SLC25A48: variants seen among roughly 807,000 people sequenced by gnomAD.
SLC25A48 encodes CTC-321K16.1.
SLC25A48 carries 29 observed loss-of-function variants against 32.2 expected under a neutral mutation model. The observed-to-expected ratio is 0.90, with a 90% CI of 0.67 to 1.23. The LOEUF (loss-of-function observed/expected upper bound fraction) is 1.23, where lower values mean the gene tolerates loss of function less well. Ranked by LOEUF, SLC25A48 falls within the 50% of genes most tolerant of loss-of-function variation. The probability of loss-of-function intolerance (pLI) is 0.00; values close to 1 mark genes in which losing one functional copy is unlikely to be tolerated. For missense variants in SLC25A48, 399 were observed against 422.7 expected, an observed-to-expected ratio of 0.94 and a Z score of 0.49; for synonymous variants, 164 against 172.3, an observed-to-expected ratio of 0.95 and a Z score of 0.38.
chr5:135,755,607 A>G (rs982488559), intron 3 of SLC25A48, among the ~76,000 whole-genome samples: 41 of 152,140 alleles, frequency 2.7e-4, no homozygotes, highest in African/African-American at 5.8e-4. Flanking sequence ...TGTAGCGTCA[A>G]CGCACTATGG....
chr5:135,705,171 A>T (rs1360224266), intron 3 of SLC25A48, among the ~76,000 whole-genome samples: 5 of 152,008 alleles, frequency 3.3e-5, no homozygotes, highest in Admixed American at 6.6e-5. Context: ...TCAGTCCTGG[A>T]CCCCTTGATT....
chr5:135,647,685 G>A (rs1752998143), intron 3 of SLC25A48, among the ~76,000 whole-genome samples: 1 of 152,126 alleles, frequency 6.6e-6, no homozygotes, highest in Non-Finnish European at 1.5e-5. Context: ...TTGTGCTCAT[G>A]GCAGGGAAGG....
chr5:135,610,163 G>T (rs887667011), intron 1 of SLC25A48, among the ~76,000 whole-genome samples: 2 of 152,116 alleles, frequency 1.3e-5, no homozygotes, highest in African/African-American at 4.8e-5. Context: ...CCCAGGAAAG[G>T]GGGGCACGGT....
intron 3 of SLC25A48, among the ~76,000 whole-genome samples, chr5:135,803,356 C>T (rs1757379868): frequency 6.6e-6 from 1 of 151,388 alleles, no homozygotes; most frequent in Non-Finnish European, 1.5e-5. Flanking sequence ...CCTAATATCA[C>T]AGTAGGTGTA....
Position 135,842,471 on chromosome 5 carries a change from A to AT in SLC25A48, c.90+13dup. ...TGGACACAGTCAAGGTACAGTAGCCATGTTTCCCATTACCTCTTAAAAAGA... is the reference window on the plus strand; with the variant it reads ...TGGACACAGTCAAGGTACAGTAGCCATTGTTTCCCATTACCTCTTAAAAAGA... On this transcript the variant is annotated intron_variant, in intron 2 of 7. Coordinates refer to ENST00000681962, the MANE Select transcript of SLC25A48 (RefSeq NM_001349336.2). 6.2e-7 allele frequency: 1 copy of AT among 1,612,816 alleles called. No homozygotes were observed. Among genetic ancestry groups the AT allele is most frequent in the Non-Finnish European group, 8.5e-7 (1 of 1,178,792 alleles).
chr5:135,775,981 A>G (rs1265902233), intron 3 of SLC25A48, among the ~76,000 whole-genome samples: 1 of 151,778 alleles, frequency 6.6e-6, no homozygotes, highest in South Asian at 2.1e-4. Flanking sequence ...ATTACTCCCA[A>G]TATCACAGGG....
rs543940434 is a variant in SLC25A48 at position 135,791,762 on chromosome 5, G to A, written c.-520-20761G>A. Among the ~76,000 whole-genome samples, 18 of 151,570 alleles carry A rather than the reference G, an allele frequency of 1.2e-4. No homozygotes were observed. The South Asian group carries it at 1.2e-3, about 11-fold the overall frequency. On this transcript the variant is annotated intron_variant, in intron 3 of 10. Transcript: ENST00000646290. Reference sequence around the variant, plus strand: ...TGATGTTACTTCTAATGTCACAGGGGTTGTCTTTCCTGTGATATTATTTGT... The same window carrying A: ...TGATGTTACTTCTAATGTCACAGGGATTGTCTTTCCTGTGATATTATTTGT...
intron 3 of SLC25A48, among the ~76,000 whole-genome samples, chr5:135,756,323 C>T (rs1755902827): frequency 6.6e-6 from 1 of 151,842 alleles, no homozygotes; most frequent in African/African-American, 2.4e-5. Context: ...AGTGTTGACA[C>T]ACTATGATAT....
At chr5:135,582,852 C>T (rs1240141201) in intron 1 of SLC25A48, among the ~76,000 whole-genome samples, 1 of 152,210 alleles carries the variant, frequency 6.6e-6, no homozygotes, top group Non-Finnish European at 1.5e-5. Context: ...CCAATATTCA[C>T]CATCCAGTTC....
At chr5:135,607,842 T>C (rs1344902463) in intron 1 of SLC25A48, among the ~76,000 whole-genome samples, 2 of 152,188 alleles carry the variant, frequency 1.3e-5, no homozygotes, top group African/African-American at 4.8e-5. Flanking sequence ...GGAGGCAGAA[T>C]TGGCTTATTT....
chr5:135,719,617 G>A (rs1290407321), intron 3 of SLC25A48, among the ~76,000 whole-genome samples: 1 of 152,208 alleles, frequency 6.6e-6, no homozygotes, highest in African/African-American at 2.4e-5. Flanking sequence ...GCCCAGCCCT[G>A]CTCAGGAATG....
intron 4 of SLC25A48, among the ~76,000 whole-genome samples, chr5:135,818,826 A>G (rs1757801020): frequency 6.6e-6 from 1 of 152,234 alleles, no homozygotes; most frequent in Non-Finnish European, 1.5e-5. Flanking sequence ...CTGTGAGGTT[A>G]AGAAAAACAC....
intron 4 of SLC25A48, among the ~76,000 whole-genome samples, chr5:135,859,285 A>G (rs1273520865): frequency 6.6e-6 from 1 of 152,158 alleles, no homozygotes; most frequent in Non-Finnish European, 1.5e-5. Flanking sequence ...CACGTCTTAC[A>G]TGGCAGCAGG....
At chr5:135,664,080 C>T (rs1222199029) in intron 3 of SLC25A48, among the ~76,000 whole-genome samples, 1 of 152,182 alleles carries the variant, frequency 6.6e-6, no homozygotes, top group Non-Finnish European at 1.5e-5. Flanking sequence ...GGAATTTTTC[C>T]ATGACATCCC....
intron 3 of SLC25A48, among the ~76,000 whole-genome samples, chr5:135,767,935 T>A (rs1241457106): frequency 6.8e-6 from 1 of 147,272 alleles, no homozygotes; most frequent in East Asian, 2.0e-4. Context: ...TACACACCCC[T>A]GTGATATTGT....
At position 135,850,422 on chromosome 5, in the gene SLC25A48, T is replaced by C. The variant is rs185966760; in HGVS notation, c.91-3T>C. The C allele has an allele frequency of 5.6e-5, 91 of 1,614,132 alleles. 1 individual carries two copies. In the Admixed American group the frequency reaches 1.1e-3, roughly 20 times the overall value. On this transcript the variant is annotated splice_region_variant and splice_polypyrimidine_tract_variant and intron_variant, in intron 2 of 7. Coordinates refer to ENST00000681962, the MANE Select transcript of SLC25A48 (RefSeq NM_001349336.2). ...TGACCCATGTCCTTGCCTCTCTCCATAGACTCGCCTGCAGGCTGGCGTTGG... is the reference window on the plus strand; with the variant it reads ...TGACCCATGTCCTTGCCTCTCTCCACAGACTCGCCTGCAGGCTGGCGTTGG...
At chr5:135,791,320 A>G (rs1757026393) in intron 3 of SLC25A48, among the ~76,000 whole-genome samples, 1 of 151,942 alleles carries the variant, frequency 6.6e-6, no homozygotes, top group East Asian at 1.9e-4. Flanking sequence ...CTGATGTCAC[A>G]GGTGATCTAT....
chr5:135,645,284 A>G (rs554645188), intron 3 of SLC25A48, among the ~76,000 whole-genome samples: 60 of 152,150 alleles, frequency 3.9e-4, no homozygotes, highest in Non-Finnish European at 7.4e-4. Flanking sequence ...TGAGTTTTCC[A>G]TTGTTATTTT....
intron 6 of SLC25A48, chr5:135,874,751 C>A (rs1761922662): frequency 1.4e-6 from 1 of 697,270 alleles, no homozygotes; most frequent in Non-Finnish European, 2.6e-6. Flanking sequence ...CCCTTCCCAC[C>A]ACCTGAAAAG....
Sources: allele counts gnomAD v4.1 joint callset (sites outside exome capture counted in the v4.1 genomes callset), GRCh38; gene constraint gnomAD v4.1.1; transcripts MANE v1.5; gene names NCBI Gene and HGNC (gene_info 2026-07-23, HGNC 2026-07-21).